The following MNT variants were observed in gnomAD, a reference collection of about 807,000 sequenced individuals.
MNT encodes the protein max-binding protein MNT.
MNT carries 13 observed loss-of-function variants against 40.7 expected under a neutral mutation model. That is an observed-to-expected ratio of 0.32 (90% CI 0.21 to 0.51). The LOEUF (loss-of-function observed/expected upper bound fraction) is 0.51. MNT is among the 20% of genes least tolerant of loss of function. The probability of loss-of-function intolerance (pLI) is 0.98; values close to 1 mark genes in which losing one functional copy is unlikely to be tolerated. For synonymous variants in MNT, 426 were observed against 354.8 expected (o/e 1.20, Z -2.26); for missense variants, 757 against 792.0 (o/e 0.96, Z 0.53).
intron 1 of MNT, among the ~76,000 whole-genome samples, chr17:2,395,902 G>C (rs1254973125): frequency 6.6e-6 from 1 of 152,150 alleles, no homozygotes. Context: ...CACCAGAGGG[G>C]GGGGTGTGCT....
intron 1 of MNT, 35 bp downstream of exon 1, chr17:2,400,605 C>A: frequency 6.4e-7 from 1 of 1,561,748 alleles, no homozygotes; most frequent in Non-Finnish European, 8.6e-7. Context: ...GCTTCCCCTT[C>A]CCCAGTGCCC....
At chr17:2,388,183 G>T in intron 4 of MNT, 134 bp from the exon 5 acceptor site, 1 of 801,508 alleles carries the variant, frequency 1.2e-6, no homozygotes, top group Non-Finnish European at 1.9e-6. Context: ...CCTGACGGGG[G>T]CTGCTGGAGA....
rs773202867 is a variant in MNT, at chr17:2,387,261, G to C, written c.1389C>G (p.Gly463=). Residue 463 remains glycine, a synonymous_variant, in exon 6 of 6, where the codon GGC becomes GGG. Coordinates refer to ENST00000174618, the MANE Select transcript of MNT (RefSeq NM_020310.3). ...QTVNHVLQGP[G]GKHIAHIAPS... ...GGGCGATGTGGGCGATGTGCTTGCC[G>C]CCTGGCCCCTGCAGAACGTGGTTCA... The C allele has an allele frequency of 5.6e-6, 9 of 1,613,136 alleles. No individual in the cohort carries two copies. Among genetic ancestry groups the C allele is most frequent in the Non-Finnish European group, 7.6e-6 (9 of 1,179,658 alleles).
In MNT at chr17:2,400,924, TA is replaced by T; in HGVS notation, c.-213del. 8.4e-6 allele frequency: 3 copies of T among 358,262 alleles called. No homozygotes were observed. Among genetic ancestry groups the T allele is most frequent in the East Asian group, 4.2e-5 (1 of 23,638 alleles). 22.2% of individuals were successfully genotyped at this position (358,262 alleles called of 1,614,324 possible). A position where few individuals can be genotyped will look rare whatever the true frequency, so the allele number is the denominator to read the frequency against. ...TTTGCAAAATATAAAATTGCAAATT[TA>T]AAAAAATGGGATGCAAAAAAAAAAA... On this transcript the variant is annotated 5_prime_UTR_variant, in exon 1 of 6. Coordinates refer to ENST00000174618, the MANE Select transcript of MNT (RefSeq NM_020310.3).
At chr17:2,392,909 C>T (rs1037771082) in intron 4 of MNT, 2 of 152,230 alleles carry the variant, frequency 1.3e-5, no homozygotes, top group South Asian at 2.1e-4. Flanking sequence ...GAGAGAGCTG[C>T]CCCCCTGGAG....
rs1161118009 is a variant in MNT, at chr17:2,385,171, C to T, written c.*1730G>A. ...CCAGGAGAGAGAAATAAGGAACAGTCCCCTGGGAGGTGTCCAGGACCAGGA... is the reference window on the plus strand; with the variant it reads ...CCAGGAGAGAGAAATAAGGAACAGTTCCCTGGGAGGTGTCCAGGACCAGGA... On this transcript the variant is annotated 3_prime_UTR_variant, in exon 6 of 6. Coordinates refer to ENST00000174618, the MANE Select transcript of MNT (RefSeq NM_020310.3). 3 of 152,274 alleles carry T rather than the reference C, an allele frequency of 2.0e-5. No individual in the cohort carries two copies. The highest frequency in any genetic ancestry group is 7.2e-5 in the African/African-American group (3 of 41,430). 9.4% of individuals were successfully genotyped at this position (152,274 alleles called of 1,614,324 possible). A position where few individuals can be genotyped will look rare whatever the true frequency, so the allele number is the denominator to read the frequency against.
Position 2,395,153 on chromosome 17 carries a change from G to A in MNT, c.375C>T (p.Gly125=), listed in dbSNP as rs377109755. Residue 125 remains glycine, a synonymous_variant, in exon 2 of 6, where the codon GGC becomes GGT. Coordinates refer to ENST00000174618, the MANE Select transcript of MNT (RefSeq NM_020310.3). The part of the protein sequence containing the change: ...PLAPRQPALV[G]APGLSIKEPA... ...GCTCCTTAATGCTGAGTCCGGGGGC[G>A]CCAACCAGGGCCGGCTGACGAGGCG... The A allele has an allele frequency of 1.2e-5, 17 of 1,457,246 alleles. No individual in the cohort carries two copies. The highest frequency in any genetic ancestry group is 2.7e-5 in the Admixed American group (1 of 36,852). The allele number at this position is 1,457,246 out of a possible 1,614,324, so 90.3% of individuals were successfully genotyped here.
intron 1 of MNT, among the ~76,000 whole-genome samples, chr17:2,397,248 C>G (rs2066584588): frequency 6.6e-6 from 1 of 152,158 alleles, no homozygotes. Flanking sequence ...CCCTGCGCTC[C>G]CGCTTCCCAC....
chr17:2,393,578 C>T (rs2066544371), intron 4 of MNT, among the ~76,000 whole-genome samples: 1 of 152,234 alleles, frequency 6.6e-6, no homozygotes. Flanking sequence ...GGGCTCGGCC[C>T]GCGCCGCAGC....
chr17:2,396,874 G>A (rs1315908785), intron 1 of MNT: 2 of 152,346 alleles, frequency 1.3e-5, no homozygotes, highest in Non-Finnish European at 2.9e-5. Flanking sequence ...GGGGTGGCGT[G>A]GGGGACTGGA....
chr17:2,387,386 T>A lies in MNT; in HGVS notation c.1264A>T (p.Thr422Ser), dbSNP rs1217352995. ...AGATGGGCTGGAGCTGGCACCAGTG[T>A]CTGGGCAGGGGCAGCCGGTGGGGGA... ...PPPPPAAPAQ[T>S]LVPAPAHLVA... The change falls in exon 6 of 6, where the codon ACA (threonine) becomes TCA (serine). Residue 422 changes from threonine (T) to serine (S), a missense_variant. Thr to Ser is a moderately conservative substitution (Grantham distance 58). Coordinates refer to ENST00000174618, the MANE Select transcript of MNT (RefSeq NM_020310.3). The A allele has an allele frequency of 3.1e-6, 5 of 1,611,870 alleles. No homozygotes were observed. In the African/African-American group the frequency reaches 6.7e-5, roughly 22 times the overall value.
intron 4 of MNT, chr17:2,392,672 G>A (rs2066529420): frequency 6.6e-6 from 1 of 151,994 alleles, no homozygotes; most frequent in Non-Finnish European, 1.5e-5. Context: ...TCGGCGCCCC[G>A]AGGCCCCACC....
intron 4 of MNT, among the ~76,000 whole-genome samples, chr17:2,393,026 T>TGGCTCCTCGCGCGCTGGA (rs2066535982): frequency 6.6e-6 from 1 of 151,754 alleles, no homozygotes; most frequent in South Asian, 2.1e-4. Context: ...GCCCAGCGGC[T>TGGCTCCTCGCGCGCTGGA]GGCTCCTCGC....
At chr17:2,391,161 G>C (rs555458068) in intron 4 of MNT, 1 of 152,298 alleles carries the variant, frequency 6.6e-6, no homozygotes, top group African/African-American at 2.4e-5. Flanking sequence ...ACTAATTTTT[G>C]TATTTTTAGT....
intron 4 of MNT, chr17:2,392,770 C>G (rs2066531254): frequency 6.6e-6 from 1 of 151,852 alleles, no homozygotes; most frequent in South Asian, 2.1e-4. Flanking sequence ...GAGCACCGCC[C>G]CCGCCCGCTG....
rs200001205 is a variant in MNT at position 2,395,306 on chromosome 17, C to T, written c.222G>A (p.Pro74=). The T allele has an allele frequency of 5.0e-4, 763 of 1,527,382 alleles. 3 individuals carry two copies. In the Admixed American group the frequency reaches 0.012, roughly 23 times the overall value. The allele number at this position is 1,527,382 out of a possible 1,614,324, so 94.6% of individuals were successfully genotyped here. A position where few individuals can be genotyped will look rare whatever the true frequency, so the allele number is the denominator to read the frequency against. ...GGGTGGCAAGTGGTGGTGGGGGTGCCGGCGGGGGAGCCGGTGGAGACAGAG... is the reference window on the plus strand; with the variant it reads ...GGGTGGCAAGTGGTGGTGGGGGTGCTGGCGGGGGAGCCGGTGGAGACAGAG... ...PLPLSPPAPP[P]APPPPLATPA... is the part of the protein sequence containing the mutation. The change falls in exon 2 of 6, where the codon CCG becomes CCA. Residue 74 remains proline, a synonymous_variant. Transcript: ENST00000174618.
chr17:2,398,697 C>A (rs948850538), intron 1 of MNT, among the ~76,000 whole-genome samples: 1 of 152,236 alleles, frequency 6.6e-6, no homozygotes, highest in African/African-American at 2.4e-5. Flanking sequence ...CGTACTCGAA[C>A]TGCAACGTGT....
In MNT at chr17:2,384,120, A is replaced by T. The variant is rs1160242431; in HGVS notation, c.*2781T>A. On this transcript the variant is annotated 3_prime_UTR_variant, in exon 6 of 6. Transcript: ENST00000174618. ...TTCAGTTTTATATTTTATTCCAGGC[A>T]AGTGCTTATTACATGGATAGTATTC... 6.6e-6 allele frequency: 1 copy of T among 152,552 alleles called. No homozygotes were observed. The highest frequency in any genetic ancestry group is 2.4e-5 in the African/African-American group (1 of 41,430). The allele number at this position is 152,552 out of a possible 1,614,324, so 9.4% of individuals were successfully genotyped here.
chr17:2,384,660 G>A lies in MNT; in HGVS notation c.*2241C>T, dbSNP rs924368251. The A allele has an allele frequency of 6.5e-6, 1 of 153,036 alleles. No individual in the cohort carries two copies. Among genetic ancestry groups the A allele is most frequent in the Non-Finnish European group, 1.5e-5 (1 of 68,508 alleles). The allele number at this position is 153,036 out of a possible 1,614,324, so 9.5% of individuals were successfully genotyped here. ...TGGAAGGGCTAGGGAGGGAGGGCCA[G>A]GCGGTCCCACAGGGTGAGGACAGAT... On this transcript the variant is annotated 3_prime_UTR_variant, in exon 6 of 6. Transcript: ENST00000174618.
Sources: allele counts gnomAD v4.1 joint callset (sites outside exome capture counted in the v4.1 genomes callset), GRCh38; gene constraint gnomAD v4.1.1; transcripts MANE v1.5; gene names NCBI Gene and HGNC (gene_info 2026-07-23, HGNC 2026-07-21).